Variants in RTTN observed in about 807,000 individuals in gnomAD.
RTTN encodes rotatin.
In RTTN, 182 loss-of-function variants were observed where a neutral mutation model predicts 269.2. The observed-to-expected ratio is 0.68, with a 90% CI of 0.60 to 0.76. RTTN has a LOEUF of 0.76. RTTN is among the 30% of genes least tolerant of loss of function. The pLI, the probability that RTTN is intolerant of heterozygous loss-of-function variation, is 0.00. For synonymous variants in RTTN, 1,006 were observed against 963.5 expected, an observed-to-expected ratio of 1.04 and a Z score of -0.82; for missense variants, 2,545 against 2,608.6, an observed-to-expected ratio of 0.98 and a Z score of 0.53.
At chr18:70,204,930 G>A (rs751944228) in intron 2 of RTTN, among the ~76,000 whole-genome samples, 198 bp downstream of exon 2, 19 of 152,132 alleles carry the variant, frequency 1.2e-4, no homozygotes, top group Admixed American at 7.2e-4. Flanking sequence ...TTACTTCTGA[G>A]CACAGCAGAG....
intron 24 of RTTN, chr18:70,128,145 T>A: frequency 4.0e-6 from 2 of 502,542 alleles, no homozygotes; most frequent in African/African-American, 1.9e-5. Flanking sequence ...CAGAGTAAAA[T>A]GCTTTTTCAT....
At chr18:70,202,213 AAC>A (rs969158488) in intron 3 of RTTN, among the ~76,000 whole-genome samples, 51 of 152,218 alleles carry the variant, frequency 3.4e-4, no homozygotes, top group Non-Finnish European at 6.2e-4. Context: ...CTGTTAGCCA[AAC>A]ACAGTTATTT....
intron 8 of RTTN, 71 bp downstream of exon 8, chr18:70,193,217 C>A: frequency 1.6e-6 from 2 of 1,283,916 alleles, no homozygotes; most frequent in Non-Finnish European, 1.1e-6. Flanking sequence ...ATAATTATCT[C>A]CTTCTGAAAT....
intron 11 of RTTN, among the ~76,000 whole-genome samples, chr18:70,174,842 G>T (rs2365901): frequency 6.7e-6 from 1 of 150,284 alleles, no homozygotes; most frequent in Non-Finnish European, 1.5e-5. Flanking sequence ...CAAACATGGC[G>T]AAATCTGGTC....
rs899518043 is a variant in RTTN, at chr18:70,168,961, T to C, written c.1583A>G (p.Tyr528Cys). 10 of 1,613,130 alleles carry C rather than the reference T, an allele frequency of 6.2e-6. No individual in the cohort carries two copies. The highest frequency in any genetic ancestry group is 2.2e-5 in the East Asian group (1 of 44,814). ...YPNIHEAVVA[Y>C]LEQLNSENYS... ...GTTTTCAGAATTCAGCTGTTCCAAA[T>C]AGGCCACAACAGCTTCATGAATATT... Residue 528 changes from tyrosine (Y) to cysteine (C), a missense_variant, in exon 12 of 49, where the codon TAT (tyrosine) becomes TGT (cysteine). By Grantham distance (194) the Tyr-to-Cys change is radical. Coordinates refer to ENST00000640769, the MANE Select transcript of RTTN (RefSeq NM_173630.4).
At chr18:70,036,058 G>T (rs1416030615) in intron 40 of RTTN, among the ~76,000 whole-genome samples, 3 of 152,204 alleles carry the variant, frequency 2.0e-5, no homozygotes, top group African/African-American at 7.2e-5. Flanking sequence ...AACACACGCT[G>T]ATGAGGTTGT....
In RTTN at chr18:70,075,338, G is replaced by T. The variant is rs1014256521; in HGVS notation, c.4564+14C>A. 1 of 1,498,074 alleles carries T rather than the reference G, an allele frequency of 6.7e-7. No individual in the cohort carries two copies. The allele number at this position is 1,498,074 out of a possible 1,614,324, so 92.8% of individuals were successfully genotyped here. On this transcript the variant is annotated intron_variant, in intron 33 of 48. Transcript: ENST00000640769. ...CATATTACAAAAATAAAAATACAAA[G>T]ATATCGTACTTACCATTTAAATCAT... is the stretch of plus-strand genomic sequence containing the variant.
rs373552334 is a variant in RTTN at position 70,190,547 on chromosome 18, A to T, written c.1180T>A (p.Leu394Ile). Residue 394 changes from leucine (L) to isoleucine (I), a missense_variant, in exon 9 of 49, where the codon TTA becomes ATA. Physicochemically the swap from Leu to Ile is conservative, Grantham distance 5. Transcript: ENST00000640769. The part of the protein sequence containing the change: ...VSILESAVPL[L>I]RTGSRQVIIR... ...TTCTAAAACAACTAACCTGTTCTTA[A>T]GAGAGGAACAGCTGATTCCAGAATG... The T allele has an allele frequency of 6.2e-7, 1 of 1,610,466 alleles. No individual in the cohort carries two copies.
rs773407722 is a variant in RTTN, at chr18:70,075,478, G to A, written c.4438C>T (p.Leu1480Phe). 2 of 1,606,722 alleles carry A rather than the reference G, an allele frequency of 1.2e-6. No individual in the cohort carries two copies. Among genetic ancestry groups the A allele is most frequent in the South Asian group, 2.2e-5 (2 of 89,420 alleles). ...TCATAAAAATGGCAGTGATATAAAA[G>A]AGCCTGAAGGGCAGGTTTTCCAATG... ...SLIGKPALQALLYHCHFYEHL... is the reference protein window; with the variant it reads ...SLIGKPALQAFLYHCHFYEHL... The change falls in exon 33 of 49, where the codon CTT (leucine) becomes TTT (phenylalanine). Residue 1480 changes from leucine to phenylalanine, a missense_variant. By Grantham distance (22) the Leu-to-Phe change is conservative. Coordinates refer to ENST00000640769, the MANE Select transcript of RTTN (RefSeq NM_173630.4).
rs764020186 is a variant in RTTN at position 70,139,656 on chromosome 18, G to C, written c.2731C>G (p.Pro911Ala). The change falls in exon 21 of 49, where the codon CCA becomes GCA. Residue 911 changes from proline (P) to alanine (A), a missense_variant. Transcript: ENST00000640769. ...TLLRKVLCGD[P>A]VMRVSLSQQS... ...TGCGAGAGCGAAACACGCATGACTG[G>C]ATCACCACATAAAACCTTCCTCAAG... 11 of 1,613,382 alleles carry C rather than the reference G, an allele frequency of 6.8e-6. No homozygotes were observed. Among genetic ancestry groups the C allele is most frequent in the Admixed American group, 1.7e-5 (1 of 59,966 alleles).
At chr18:70,043,191 G>T (rs1418306993) in intron 40 of RTTN, among the ~76,000 whole-genome samples, 1 of 152,302 alleles carries the variant, frequency 6.6e-6, no homozygotes, top group African/African-American at 2.4e-5. Context: ...TTTAATTCTG[G>T]CAAAGAGCAT....
chr18:70,201,159 G>C (rs2061934049), intron 4 of RTTN, among the ~76,000 whole-genome samples: 1 of 152,108 alleles, frequency 6.6e-6, no homozygotes, highest in South Asian at 2.1e-4. Context: ...TTCTAAATCA[G>C]AACTTTTTAA....
intron 9 of RTTN, among the ~76,000 whole-genome samples, chr18:70,190,303 C>G (rs1327993672): frequency 1.3e-5 from 2 of 151,442 alleles, no homozygotes; most frequent in Non-Finnish European, 2.9e-5. Flanking sequence ...AGCATGAAAG[C>G]CTGTGCCAAT....
Position 70,098,094 on chromosome 18 carries a change from T to A in RTTN, c.3904-5290A>T, listed in dbSNP as rs541406190. ...GGTACTTATAGGTTCAATTATATAT[T>A]TTTTTTAATTTTTAAACTTTTAGGT... On this transcript the variant is annotated intron_variant, in intron 28 of 48. Coordinates refer to ENST00000640769, the MANE Select transcript of RTTN (RefSeq NM_173630.4). Among the ~76,000 whole-genome samples, 21 of 152,166 alleles carry A rather than the reference T, an allele frequency of 1.4e-4. No homozygotes were observed. In the East Asian group the frequency reaches 3.5e-3, roughly 25 times the overall value.
chr18:70,136,654 TA>T (rs899789605), intron 21 of RTTN, among the ~76,000 whole-genome samples: 2 of 151,670 alleles, frequency 1.3e-5, no homozygotes, highest in African/African-American at 4.8e-5. Flanking sequence ...CCTATAAGAT[TA>T]AAAAAAATTA....
chr18:70,148,762 A>G, intron 17 of RTTN, 139 bp downstream of exon 17: 1 of 943,054 alleles, frequency 1.1e-6, no homozygotes, highest in Non-Finnish European at 1.6e-6. Flanking sequence ...GCTTAGTTTC[A>G]CGCATTGGTT....
At chr18:70,176,084 T>C (rs79465261) in intron 11 of RTTN, among the ~76,000 whole-genome samples, 2,952 of 152,094 alleles carry the variant, frequency 0.019, 97 homozygotes, top group African/African-American at 0.066. Context: ...TATGGAAAAA[T>C]GTATTCGTAT....
At chr18:70,153,132 T>C (rs1332011336) in intron 14 of RTTN, among the ~76,000 whole-genome samples, 1 of 152,106 alleles carries the variant, frequency 6.6e-6, no homozygotes, top group African/African-American at 2.4e-5. Flanking sequence ...ATAAATTTAG[T>C]CCACGTTACT....
chr18:70,063,169 T>C (rs2058038753), intron 35 of RTTN, among the ~76,000 whole-genome samples: 1 of 152,160 alleles, frequency 6.6e-6, no homozygotes, highest in Admixed American at 6.6e-5. Flanking sequence ...TTGTTATCTA[T>C]TGCCAAATTC....
Sources: gnomAD v4.1 joint callset for allele counts (sites outside exome capture counted in the v4.1 genomes callset) on GRCh38, gnomAD v4.1.1 for gene constraint, MANE v1.5 for transcripts, NCBI Gene and HGNC (gene_info 2026-07-23, HGNC 2026-07-21) for gene names.